DLGAP2: variants seen among roughly 807,000 people sequenced by gnomAD.
DLGAP2 encodes the protein DLG associated protein 2, also known as disks large-associated protein 2.
DLGAP2 carries 26 observed loss-of-function variants against 100.3 expected under a neutral mutation model. The observed-to-expected ratio is 0.26, with a 90% CI of 0.19 to 0.36. The LOEUF (loss-of-function observed/expected upper bound fraction) is 0.36. Ranked by LOEUF, DLGAP2 falls within the 10% of genes least tolerant of loss-of-function variation. The pLI is 1.00. For synonymous variants in DLGAP2, 886 were observed against 630.1 expected (o/e 1.41, Z -6.08); for missense variants, 1,858 against 1,453.2 (o/e 1.28, Z -4.53).
intron 2 of DLGAP2, among the ~76,000 whole-genome samples, chr8:979,074 G>A (rs949684973): frequency 4.6e-5 from 7 of 152,100 alleles, no homozygotes; most frequent in Admixed American, 2.6e-4. Context: ...CCGAATGCTA[G>A]CCCTTGTCAT....
intron 1 of DLGAP2, among the ~76,000 whole-genome samples, chr8:832,572 C>A (rs1796802517): frequency 1.3e-5 from 2 of 152,206 alleles, no homozygotes; most frequent in Non-Finnish European, 2.9e-5. Context: ...TTAAAGTTTT[C>A]TAATGTCAGA....
chr8:1,202,798 C>T (rs956911286), intron 2 of DLGAP2, among the ~76,000 whole-genome samples: 1 of 152,210 alleles, frequency 6.6e-6, no homozygotes, highest in Non-Finnish European at 1.5e-5. Context: ...TGACAATCAC[C>T]CAAGCCACTG....
chr8:792,396 C>T (rs1354013203), intron 1 of DLGAP2, among the ~76,000 whole-genome samples: 1 of 152,110 alleles, frequency 6.6e-6, no homozygotes. Flanking sequence ...TGTCTTATTT[C>T]ACATTTTAGG....
intron 3 of DLGAP2, among the ~76,000 whole-genome samples, chr8:1,453,547 T>C (rs1419054281): frequency 1.3e-5 from 2 of 152,102 alleles, no homozygotes; most frequent in Admixed American, 1.3e-4. Flanking sequence ...TTAAGTGGAT[T>C]ATTCTTGAGT....
intron 3 of DLGAP2, among the ~76,000 whole-genome samples, chr8:1,409,922 T>C (rs560009808): frequency 6.6e-6 from 1 of 152,170 alleles, no homozygotes. Flanking sequence ...CTGTGGGGCT[T>C]CTCAGCCTCC....
intron 2 of DLGAP2, among the ~76,000 whole-genome samples, chr8:985,074 T>G (rs543298282): frequency 1.0e-3 from 159 of 152,346 alleles, no homozygotes; most frequent in African/African-American, 3.8e-3. Flanking sequence ...CCTCAGAGTT[T>G]GCATAATGTT....
At chr8:1,663,212 G>A (rs183287081) in intron 8 of DLGAP2, among the ~76,000 whole-genome samples, 62 of 151,804 alleles carry the variant, frequency 4.1e-4, no homozygotes, top group African/African-American at 1.4e-3. Context: ...GTGTGTACAC[G>A]TGTGAGTGTG....
intron 12 of DLGAP2, among the ~76,000 whole-genome samples, chr8:1,683,227 C>G (rs1341905420): frequency 6.6e-6 from 1 of 151,602 alleles, no homozygotes; most frequent in Non-Finnish European, 1.5e-5. Context: ...TCTCAGAAGG[C>G]TTCCTGGAGA....
At chr8:962,153 T>C (rs777319128) in intron 2 of DLGAP2, among the ~76,000 whole-genome samples, 1 of 152,258 alleles carries the variant, frequency 6.6e-6, no homozygotes, top group Non-Finnish European at 1.5e-5. Context: ...CATTTTCTTA[T>C]AATTTGCATT....
rs917302753 is a variant in DLGAP2 at position 1,430,933 on chromosome 8, T to A, written c.107-70433T>A. Among the ~76,000 whole-genome samples, 6 of 152,368 alleles carry A rather than the reference T, an allele frequency of 3.9e-5. No individual in the cohort carries two copies. The East Asian group carries it at 9.6e-4, about 24-fold the overall frequency. The stretch of plus-strand genomic sequence containing the variant: ...TTCCTATTCTGACTCGGCTGTTGAC[T>A]GTCTCTGGGGTTCTGGGCAAGTCAT... On this transcript the variant is annotated intron_variant, in intron 3 of 14. Transcript: ENST00000637795.
intron 3 of DLGAP2, among the ~76,000 whole-genome samples, chr8:1,329,678 T>TG (rs1385680242): frequency 2.0e-5 from 3 of 152,002 alleles, no homozygotes; most frequent in Non-Finnish European, 4.4e-5. Flanking sequence ...GCAGAGACCA[T>TG]GGGGGTGAAT....
intron 3 of DLGAP2, among the ~76,000 whole-genome samples, chr8:1,343,418 T>A (rs7826993): frequency 0.16 from 24,428 of 151,944 alleles, 2,260 homozygotes; most frequent in East Asian, 0.29. Flanking sequence ...TTGGGGTCCA[T>A]CATGTAGGCT....
chr8:1,450,699 A>T (rs1798134833), intron 3 of DLGAP2, among the ~76,000 whole-genome samples: 1 of 152,016 alleles, frequency 6.6e-6, no homozygotes, highest in Non-Finnish European at 1.5e-5. Context: ...CTATGTCCCC[A>T]GGGCCTTGGG....
intron 3 of DLGAP2, among the ~76,000 whole-genome samples, chr8:1,407,523 A>C (rs1315308260): frequency 9.2e-6 from 1 of 108,936 alleles, no homozygotes; most frequent in East Asian, 3.5e-4. Context: ...CATCGTCCAG[A>C]GTCGTGTATT....
At chr8:959,374 C>T (rs1036198208) in intron 2 of DLGAP2, among the ~76,000 whole-genome samples, 2 of 152,178 alleles carry the variant, frequency 1.3e-5, no homozygotes, top group African/African-American at 2.4e-5. Flanking sequence ...GGGCTGGGTC[C>T]CTCAGAGAAA....
chr8:966,961 A>G (rs954879257), intron 2 of DLGAP2, among the ~76,000 whole-genome samples: 13 of 152,232 alleles, frequency 8.5e-5, no homozygotes, highest in Non-Finnish European at 1.9e-4. Context: ...CTGGCCATTG[A>G]TGTGTCTCTT....
At chr8:1,030,956 C>G (rs533182629) in intron 2 of DLGAP2, among the ~76,000 whole-genome samples, 12 of 152,160 alleles carry the variant, frequency 7.9e-5, no homozygotes, top group African/African-American at 2.9e-4. Context: ...AGATCCACAC[C>G]GACTTCCCGG....
intron 1 of DLGAP2, among the ~76,000 whole-genome samples, chr8:750,518 G>A (rs1446740499): frequency 6.6e-6 from 1 of 152,186 alleles, no homozygotes; most frequent in Non-Finnish European, 1.5e-5. Context: ...AATTAAAGAA[G>A]CCAATATTTC....
chr8:1,033,460 AG>A (rs1183493911), intron 2 of DLGAP2, among the ~76,000 whole-genome samples: 1 of 152,176 alleles, frequency 6.6e-6, no homozygotes, highest in Non-Finnish European at 1.5e-5. Flanking sequence ...TCAGCTGAGG[AG>A]TTCAAGACCA....
Sources: allele counts gnomAD v4.1 joint callset (sites outside exome capture counted in the v4.1 genomes callset), GRCh38; gene constraint gnomAD v4.1.1; transcripts MANE v1.5; gene names NCBI Gene and HGNC (gene_info 2026-07-23, HGNC 2026-07-21).